Variants in KPNB1 observed in about 807,000 individuals in gnomAD.
KPNB1 encodes karyopherin subunit beta 1.
Under a neutral mutation model 113.0 loss-of-function variants are expected in KPNB1, and 7 were observed. That is an observed-to-expected ratio of 0.06 (90% CI 0.04 to 0.12). KPNB1 has a LOEUF of 0.12. KPNB1 is among the 10% of genes least tolerant of loss of function. KPNB1 has a pLI of 1.00. For missense variants in KPNB1, 400 were observed against 1,054.8 expected (o/e 0.38, Z 8.60); for synonymous variants, 363 against 378.6 (o/e 0.96, Z 0.48).
chr17:47,653,197 A>G (rs1915626872), intron 3 of KPNB1, among the ~76,000 whole-genome samples: 1 of 151,790 alleles, frequency 6.6e-6, no homozygotes, highest in Admixed American at 6.6e-5. Context: ...TATAAAAATT[A>G]GGGAATTTGT....
In KPNB1 at chr17:47,651,745, A is replaced by G. The variant is rs562858887; in HGVS notation, c.100-949A>G. ...TGCAGAGCTTGTTAGCAGTAAGAAA[A>G]ATGTGTCTGCTTTTGACTTTTCCTG... On this transcript the variant is annotated intron_variant, in intron 2 of 21. Coordinates refer to ENST00000290158, the MANE Select transcript of KPNB1 (RefSeq NM_002265.6). Among the ~76,000 whole-genome samples, 191 of 152,314 alleles carry G rather than the reference A, an allele frequency of 1.3e-3. 1 individual carries two copies. Among genetic ancestry groups the G allele is most frequent in the African/African-American group, 4.1e-3 (171 of 41,568 alleles).
chr17:47,654,991 A>G (rs1368859237), intron 3 of KPNB1, among the ~76,000 whole-genome samples: 2 of 152,088 alleles, frequency 1.3e-5, no homozygotes, highest in African/African-American at 4.8e-5. Flanking sequence ...GTAGTTGGGT[A>G]GAGCTGATGG....
At chr17:47,651,506 T>A (rs563988296) in intron 2 of KPNB1, 1 of 266,238 alleles carries the variant, frequency 3.8e-6, no homozygotes, top group African/African-American at 2.3e-5. Context: ...TTTTTGTTGT[T>A]TTTCATATGT....
chr17:47,657,422 G>A (rs1318490445), intron 4 of KPNB1, among the ~76,000 whole-genome samples: 3 of 152,190 alleles, frequency 2.0e-5, no homozygotes, highest in Admixed American at 2.0e-4. Context: ...ATTACGGAAA[G>A]TTTTGCCAAC....
intron 19 of KPNB1, chr17:47,678,631 G>A (rs8070882): frequency 1.6e-5 from 8 of 504,426 alleles, no homozygotes; most frequent in East Asian, 1.1e-4. Flanking sequence ...GTTTTGAGAC[G>A]GAGTCTCACT....
rs972734272 is a variant in KPNB1, at chr17:47,663,654, ACT to A, written c.786+479_786+480del. Among the ~76,000 whole-genome samples the A allele has an allele frequency of 6.6e-5, 10 of 151,904 alleles. No individual in the cohort carries two copies. The East Asian group carries it at 1.4e-3, about 21-fold the overall frequency. ...ACTCCAACCTGGGCCAGAAAGCGAG[ACT>A]CTGTCTCAAAAAGAAAAAAGAAACA... is the stretch of plus-strand genomic sequence containing the variant. On this transcript the variant is annotated intron_variant, in intron 7 of 21. Transcript: ENST00000290158.
chr17:47,680,896 C>G (rs1010366954), intron 21 of KPNB1, among the ~76,000 whole-genome samples: 1 of 152,214 alleles, frequency 6.6e-6, no homozygotes, highest in Admixed American at 6.5e-5. Context: ...CACTGAAATT[C>G]CCTGAGTATT....
chr17:47,651,116 A>G (rs553089440), intron 2 of KPNB1: 10 of 597,198 alleles, frequency 1.7e-5, no homozygotes, highest in Non-Finnish European at 2.1e-5. Flanking sequence ...CCCAGAAAAC[A>G]GACTGAGGCT....
At chr17:47,678,460 T>A in intron 19 of KPNB1, 47 bp downstream of exon 19, 2 of 1,304,738 alleles carry the variant, frequency 1.5e-6, no homozygotes, top group Non-Finnish European at 2.2e-6. Context: ...CAATGTGCAC[T>A]TAGCCAAGTG....
chr17:47,664,497 A>G (rs1047123336), intron 8 of KPNB1, among the ~76,000 whole-genome samples: 2 of 152,106 alleles, frequency 1.3e-5, no homozygotes, highest in African/African-American at 4.8e-5. Context: ...AAATAGTGGT[A>G]TTATCACTGT....
chr17:47,681,999 A>ATTT (rs948840755), intron 21 of KPNB1, among the ~76,000 whole-genome samples: 2 of 151,190 alleles, frequency 1.3e-5, no homozygotes, highest in Admixed American at 1.3e-4. Context: ...TGACTGGCTA[A>ATTT]TTTTTTTTTA....
intron 9 of KPNB1, among the ~76,000 whole-genome samples, chr17:47,667,333 A>G (rs1000367066): frequency 6.6e-6 from 1 of 151,654 alleles, no homozygotes; most frequent in Non-Finnish European, 1.5e-5. Context: ...CACCATGTTT[A>G]CCAGGCTGGT....
intron 12 of KPNB1, 96 bp from the exon 13 acceptor site, chr17:47,672,922 C>A: frequency 8.6e-7 from 1 of 1,163,826 alleles, no homozygotes; most frequent in Non-Finnish European, 1.2e-6. Flanking sequence ...TGCAGACATA[C>A]CGGTTCCTGA....
chr17:47,678,234 T>C, intron 18 of KPNB1, 45 bp downstream of exon 18: 1 of 1,612,898 alleles, frequency 6.2e-7, no homozygotes, highest in Non-Finnish European at 8.5e-7. Flanking sequence ...CTAGCTCTAA[T>C]TGGAGGGACT....
At chr17:47,659,964 C>T (rs2030042440) in intron 5 of KPNB1, among the ~76,000 whole-genome samples, 1 of 151,782 alleles carries the variant, frequency 6.6e-6, no homozygotes, top group African/African-American at 2.4e-5. Context: ...AACATTTTGG[C>T]TGAAAATGCA....
At chr17:47,658,417 T>C (rs967866318) in intron 4 of KPNB1, 91 bp from the exon 5 acceptor site, 44 of 1,395,492 alleles carry the variant, frequency 3.2e-5, no homozygotes, top group Admixed American at 9.0e-5. Context: ...TCTAAATATT[T>C]TCAATCCATA....
intron 1 of KPNB1, 45 bp from the exon 2 acceptor site, chr17:47,650,341 C>T: frequency 6.2e-7 from 1 of 1,610,878 alleles, no homozygotes; most frequent in Non-Finnish European, 8.5e-7. Flanking sequence ...GAGGGGAGGC[C>T]CGGCCCCTCT....
At position 47,682,751 on chromosome 17, in the gene KPNB1, C is replaced by G. The variant is rs942532751; in HGVS notation, c.*347C>G. ...TAGCTTTTCTGTCTTTTGGCCAGTG[C>G]CGAGTGGAATGCCTGGTTTGGGGGA... is the stretch of plus-strand genomic sequence containing the variant. On this transcript the variant is annotated 3_prime_UTR_variant, in exon 22 of 22. Coordinates refer to ENST00000290158, the MANE Select transcript of KPNB1 (RefSeq NM_002265.6). 6 of 301,504 alleles carry G rather than the reference C, an allele frequency of 2.0e-5. No individual in the cohort carries two copies. Among genetic ancestry groups the G allele is most frequent in the Non-Finnish European group, 3.1e-5 (5 of 160,168 alleles). 18.7% of individuals were successfully genotyped at this position (301,504 alleles called of 1,614,324 possible).
At chr17:47,651,808 G>T (rs956504446) in intron 2 of KPNB1, among the ~76,000 whole-genome samples, 2 of 152,134 alleles carry the variant, frequency 1.3e-5, no homozygotes, top group Non-Finnish European at 2.9e-5. Context: ...TGGTGGAGAG[G>T]TGTGTGTGTG....
Sources: gnomAD v4.1 joint callset for allele counts (sites outside exome capture counted in the v4.1 genomes callset) on GRCh38, gnomAD v4.1.1 for gene constraint, MANE v1.5 for transcripts, NCBI Gene and HGNC (gene_info 2026-07-23, HGNC 2026-07-21) for gene names.